SLC38A2: variants seen among roughly 807,000 people sequenced by gnomAD.
The protein encoded by SLC38A2 is sodium-coupled neutral amino acid symporter 2.
In SLC38A2, 11 loss-of-function variants were observed where a neutral mutation model predicts 61.5. The ratio of observed to expected loss-of-function variants is 0.18; its 90% CI spans 0.11 to 0.30. The LOEUF (loss-of-function observed/expected upper bound fraction) is 0.30. Among genes scored for constraint, SLC38A2 ranks in the 10% least tolerant of loss-of-function variants. The pLI, the probability that SLC38A2 is intolerant of heterozygous loss-of-function variation, is 1.00. For synonymous variants in SLC38A2, 217 were observed against 212.5 expected (o/e 1.02, Z -0.18); for missense variants, 522 against 600.4 (o/e 0.87, Z 1.36).
intron 8 of SLC38A2, 63 bp downstream of exon 8, chr12:46,365,044 G>C: frequency 7.2e-7 from 1 of 1,386,754 alleles, no homozygotes; most frequent in Non-Finnish European, 1.0e-6. Flanking sequence ...TTTCTATTCA[G>C]AGAAAGCCCA....
At chr12:46,366,725 T>TG (rs751845778) in intron 7 of SLC38A2, 139 bp downstream of exon 7, 274 of 747,324 alleles carry the variant, frequency 3.7e-4, no homozygotes, top group Non-Finnish European at 5.0e-4. Flanking sequence ...TTTACGGGGA[T>TG]GGGGGGCCTT....
Position 46,363,174 on chromosome 12 carries a change from T to C in SLC38A2, c.1055-29A>G, listed in dbSNP as rs746151406. On this transcript the variant is annotated intron_variant, in intron 12 of 15. Coordinates refer to ENST00000256689, the MANE Select transcript of SLC38A2 (RefSeq NM_018976.5). ...CAGGGAAAGACCAAAAAAACTTTGA[T>C]TGGCTGTTTTCATTGGACACCAAGT... The C allele has an allele frequency of 6.8e-6, 11 of 1,606,292 alleles. No homozygotes were observed. In the African/African-American group the frequency reaches 9.4e-5, roughly 14 times the overall value.
intron 12 of SLC38A2, 47 bp from the exon 13 acceptor site, chr12:46,363,192 C>A (rs1943102320): frequency 1.3e-6 from 2 of 1,594,016 alleles, no homozygotes; most frequent in Non-Finnish European, 8.6e-7. Flanking sequence ...TTTCATTGGA[C>A]ACCAAGTAGA....
At chr12:46,371,675 G>A (rs570708628) in intron 1 of SLC38A2, 7 of 227,266 alleles carry the variant, frequency 3.1e-5, no homozygotes, top group African/African-American at 1.7e-4. Context: ...GCGAGGGGGG[G>A]TTCTGTTTTG....
intron 7 of SLC38A2, 81 bp from the exon 8 acceptor site, chr12:46,365,270 A>G (rs1226826245): frequency 1.8e-6 from 2 of 1,141,018 alleles, no homozygotes; most frequent in Admixed American, 1.8e-5. Context: ...GACTCATTTC[A>G]TAGGAATACC....
At chr12:46,368,593 T>C (rs891311030) in intron 4 of SLC38A2, among the ~76,000 whole-genome samples, 1 of 152,188 alleles carries the variant, frequency 6.6e-6, no homozygotes, top group South Asian at 2.1e-4. Flanking sequence ...AAGAGTTACA[T>C]GTTTTTTAAT....
intron 8 of SLC38A2, 65 bp from the exon 9 acceptor site, chr12:46,364,767 T>C: frequency 3.4e-6 from 5 of 1,488,196 alleles, no homozygotes; most frequent in East Asian, 2.3e-5. Context: ...AAATATCTTT[T>C]TCCCACTGAA....
At chr12:46,372,440 C>T (rs1000519888) in intron 1 of SLC38A2, 69 bp downstream of exon 1, 10 of 368,044 alleles carry the variant, frequency 2.7e-5, no homozygotes, top group African/African-American at 1.5e-4. Context: ...CGGCCCCTCC[C>T]GGAAGCCCCT....
intron 4 of SLC38A2, among the ~76,000 whole-genome samples, chr12:46,368,985 C>T (rs1165337804): frequency 3.9e-5 from 6 of 152,154 alleles, no homozygotes; most frequent in Non-Finnish European, 2.9e-5. Context: ...AAAGTAAGTA[C>T]TGATGAATAA....
rs184820410 is a variant in SLC38A2 at position 46,370,456 on chromosome 12, A to G, written c.314+56T>C. 1.7e-3 allele frequency: 2,251 copies of G among 1,310,964 alleles called. 3 individuals carry two copies. The highest frequency in any genetic ancestry group is 2.3e-3 in the Non-Finnish European group (2,116 of 910,392). The allele number at this position is 1,310,964 out of a possible 1,614,324, so 81.2% of individuals were successfully genotyped here. A position where few individuals can be genotyped will look rare whatever the true frequency, so the allele number is the denominator to read the frequency against. On this transcript the variant is annotated intron_variant, in intron 4 of 15. Transcript: ENST00000256689. ...TAAATTCAGTTTCTGGAGCCAAAATATGTTTTACCATAGTAACTGCCCTGC... is the reference window on the plus strand; with the variant it reads ...TAAATTCAGTTTCTGGAGCCAAAATGTGTTTTACCATAGTAACTGCCCTGC...
chr12:46,362,426 C>T (rs758339853), intron 14 of SLC38A2, 45 bp from the exon 15 acceptor site: 6 of 1,594,568 alleles, frequency 3.8e-6, no homozygotes, highest in East Asian at 4.5e-5. Flanking sequence ...ATGAACCACT[C>T]GTCATTCATT....
Position 46,360,885 on chromosome 12 carries a change from G to A in SLC38A2, c.*226C>T, listed in dbSNP as rs74848568. 32 of 474,678 alleles carry A rather than the reference G, an allele frequency of 6.7e-5. No homozygotes were observed. The highest frequency in any genetic ancestry group is 1.1e-4 in the Non-Finnish European group (29 of 269,350). The allele number at this position is 474,678 out of a possible 1,614,324, so 29.4% of individuals were successfully genotyped here. ...ATAAAATTGTCACTTCCCTTAACCC[G>A]AGACTCGTGGTTTTGTTGTTCATAT... On this transcript the variant is annotated 3_prime_UTR_variant, in exon 16 of 16. Coordinates refer to ENST00000256689, the MANE Select transcript of SLC38A2 (RefSeq NM_018976.5).
chr12:46,368,583 AAG>A (rs763239058), intron 4 of SLC38A2, among the ~76,000 whole-genome samples: 2 of 152,192 alleles, frequency 1.3e-5, no homozygotes, highest in Non-Finnish European at 2.9e-5. Flanking sequence ...TGCAAAGGAG[AAG>A]AGTTACATGT....
At chr12:46,368,390 A>G (rs974145111) in intron 4 of SLC38A2, among the ~76,000 whole-genome samples, 2 of 152,184 alleles carry the variant, frequency 1.3e-5, no homozygotes, top group African/African-American at 4.8e-5. Flanking sequence ...GCAACAGAAA[A>G]AAAATAAATA....
At position 46,360,853 on chromosome 12, in the gene SLC38A2, G is replaced by A; in HGVS notation, c.*258C>T. On this transcript the variant is annotated 3_prime_UTR_variant, in exon 16 of 16. Coordinates refer to ENST00000256689, the MANE Select transcript of SLC38A2 (RefSeq NM_018976.5). ...AAGTTAAGAGTTTGTCCATTCTCTGGAATGGAATAAAATTGTCACTTCCCT... is the reference window on the plus strand; with the variant it reads ...AAGTTAAGAGTTTGTCCATTCTCTGAAATGGAATAAAATTGTCACTTCCCT... The A allele has an allele frequency of 2.4e-6, 1 of 418,154 alleles. No individual in the cohort carries two copies. Among genetic ancestry groups the A allele is most frequent in the Non-Finnish European group, 4.2e-6 (1 of 235,688 alleles). The allele number at this position is 418,154 out of a possible 1,614,324, so 25.9% of individuals were successfully genotyped here.
At chr12:46,371,947 GGTTT>G (rs1365294718) in intron 1 of SLC38A2, among the ~76,000 whole-genome samples, 1 of 151,832 alleles carries the variant, frequency 6.6e-6, no homozygotes, top group Non-Finnish European at 1.5e-5. Context: ...GGGAGCTGGG[GGTTT>G]GTTTACACAC....
At chr12:46,363,636 T>C (rs1943107027) in intron 12 of SLC38A2, 90 bp downstream of exon 12, 2 of 718,360 alleles carry the variant, frequency 2.8e-6, no homozygotes, top group African/African-American at 1.8e-5. Flanking sequence ...TTTAAAGTGA[T>C]GGAACTACAC....
intron 4 of SLC38A2, among the ~76,000 whole-genome samples, chr12:46,368,433 T>C (rs1943161471): frequency 6.6e-6 from 1 of 152,174 alleles, no homozygotes; most frequent in African/African-American, 2.4e-5. Flanking sequence ...AAAGGGACCC[T>C]AATGTCACCT....
intron 7 of SLC38A2, among the ~76,000 whole-genome samples, chr12:46,366,475 A>T (rs570443767): frequency 6.7e-4 from 102 of 152,294 alleles, no homozygotes; most frequent in African/African-American, 2.3e-3. Context: ...TGTATTTTGC[A>T]TTGAACAGAT....
Sources: allele counts gnomAD v4.1 joint callset (sites outside exome capture counted in the v4.1 genomes callset), GRCh38; gene constraint gnomAD v4.1.1; transcripts MANE v1.5; gene names NCBI Gene and HGNC (gene_info 2026-07-23, HGNC 2026-07-21).